IGSF21: variants seen among roughly 807,000 people sequenced by gnomAD.
IGSF21 encodes immunoglobulin superfamily member 21.
Under a neutral mutation model 46.8 loss-of-function variants are expected in IGSF21, and 28 were observed. The ratio of observed to expected loss-of-function variants is 0.60; its 90% CI spans 0.44 to 0.82. IGSF21 has a LOEUF of 0.82. IGSF21 is among the 40% of genes least tolerant of loss of function. IGSF21 has a pLI of 0.00. For synonymous variants in IGSF21, 284 were observed against 273.6 expected (o/e 1.04, Z -0.38); for missense variants, 624 against 665.5 (o/e 0.94, Z 0.69).
chr1:18,143,880 A>G (rs571174743), intron 1 of IGSF21, among the ~76,000 whole-genome samples: 51 of 152,082 alleles, frequency 3.4e-4, no homozygotes, highest in Non-Finnish European at 5.4e-4. Context: ...TCTCTCCCCA[A>G]GGCAGGAGCT....
intron 3 of IGSF21, among the ~76,000 whole-genome samples, chr1:18,312,936 G>T (rs2085502872): frequency 6.6e-6 from 1 of 152,202 alleles, no homozygotes; most frequent in South Asian, 2.1e-4. Context: ...AACACGGACT[G>T]CCTTCTTCTT....
At chr1:18,154,900 A>C (rs936949122) in intron 1 of IGSF21, among the ~76,000 whole-genome samples, 3 of 151,430 alleles carry the variant, frequency 2.0e-5, no homozygotes, top group African/African-American at 7.3e-5. Flanking sequence ...ATCTGGAAAA[A>C]TCCTGGAGGA....
intron 1 of IGSF21, among the ~76,000 whole-genome samples, chr1:18,190,853 G>A (rs1004669326): frequency 1.3e-5 from 2 of 152,202 alleles, no homozygotes; most frequent in Non-Finnish European, 2.9e-5. Context: ...GGTGATCTTG[G>A]CCTGTGATTG....
chr1:18,216,034 G>A (rs2084442041), intron 1 of IGSF21, among the ~76,000 whole-genome samples: 1 of 152,276 alleles, frequency 6.6e-6, no homozygotes, highest in South Asian at 2.1e-4. Flanking sequence ...ACAGACACAC[G>A]AAGAACCACA....
intron 3 of IGSF21, among the ~76,000 whole-genome samples, chr1:18,301,441 G>A (rs1292882529): frequency 2.6e-5 from 4 of 152,222 alleles, no homozygotes; most frequent in Non-Finnish European, 5.9e-5. Context: ...CCAGGTTTAA[G>A]AGATTCTCCT....
chr1:18,117,273 G>A (rs2086196666), intron 1 of IGSF21, among the ~76,000 whole-genome samples: 1 of 152,186 alleles, frequency 6.6e-6, no homozygotes, highest in South Asian at 2.1e-4. Context: ...GGGAAAGCCA[G>A]GCCCTTGCCC....
chr1:18,168,238 A>G lies in IGSF21; in HGVS notation c.71-59660A>G, dbSNP rs535426689. On this transcript the variant is annotated intron_variant, in intron 1 of 9. Transcript: ENST00000251296. ...GCATCTGGCCGTTAACTTATATATA[A>G]TAACCCTTAAACGCTGCCATTAAGT... 5.8e-4 allele frequency among the ~76,000 whole-genome samples: 88 copies of G among 152,220 alleles called. 6 individuals carry two copies. The South Asian group carries it at 0.017, about 29-fold the overall frequency.
chr1:18,374,630 C>T (rs1247303286), intron 6 of IGSF21, among the ~76,000 whole-genome samples: 1 of 152,178 alleles, frequency 6.6e-6, no homozygotes, highest in African/African-American at 2.4e-5. Context: ...GGATGCTTCC[C>T]TAGACCCATG....
chr1:18,250,086 ACTCCCTCCCTCG>A (rs1201919791), intron 2 of IGSF21, among the ~76,000 whole-genome samples: 6 of 39,634 alleles, frequency 1.5e-4, no homozygotes, highest in East Asian at 2.4e-3. Context: ...TCCATCCCCC[ACTCCCTCCCTCG>A]CTCCCTCCCT....
chr1:18,278,834 G>T (rs1244301066), intron 2 of IGSF21: 1 of 471,108 alleles, frequency 2.1e-6, no homozygotes, highest in Non-Finnish European at 4.4e-6. Context: ...GGGATTACAG[G>T]CACGAGCCAC....
At chr1:18,339,792 GT>G (rs1360568844) in intron 4 of IGSF21, among the ~76,000 whole-genome samples, 1 of 152,190 alleles carries the variant, frequency 6.6e-6, no homozygotes, top group Non-Finnish European at 1.5e-5. Flanking sequence ...GGGTGGGGCT[GT>G]TTGCCTTTCG....
intron 2 of IGSF21, among the ~76,000 whole-genome samples, chr1:18,249,337 C>T (rs535300975): frequency 4.6e-5 from 7 of 152,120 alleles, no homozygotes; most frequent in South Asian, 4.2e-4. Context: ...GATGGCAGCC[C>T]GAGTTAGGGG....
At chr1:18,134,958 G>T (rs907447511) in intron 1 of IGSF21, among the ~76,000 whole-genome samples, 1 of 152,236 alleles carries the variant, frequency 6.6e-6, no homozygotes, top group African/African-American at 2.4e-5. Context: ...CTGCTACTGA[G>T]CATATGCTCA....
At chr1:18,167,616 G>T (rs917313377) in intron 1 of IGSF21, 16 of 152,154 alleles carry the variant, frequency 1.1e-4, no homozygotes, top group Admixed American at 8.5e-4. Flanking sequence ...GGCTGAGAAG[G>T]CGTGGGGTTT....
chr1:18,212,517 A>T (rs1349502666), intron 1 of IGSF21, among the ~76,000 whole-genome samples: 3 of 152,236 alleles, frequency 2.0e-5, no homozygotes. Flanking sequence ...GATGAGATAG[A>T]TGACTGAGGC....
At chr1:18,274,000 T>C (rs2085076638) in intron 2 of IGSF21, among the ~76,000 whole-genome samples, 2 of 152,182 alleles carry the variant, frequency 1.3e-5, no homozygotes, top group African/African-American at 4.8e-5. Context: ...TCGGCCTCTC[T>C]GGTAAAGACA....
At chr1:18,209,639 TTTA>T (rs2084369438) in intron 1 of IGSF21, among the ~76,000 whole-genome samples, 2 of 150,696 alleles carry the variant, frequency 1.3e-5, no homozygotes, top group African/African-American at 2.4e-5. Flanking sequence ...TTTTTTTTTT[TTTA>T]GTAGAGACAG....
At chr1:18,289,782 A>T (rs1035939569) in intron 2 of IGSF21, among the ~76,000 whole-genome samples, 1 of 152,148 alleles carries the variant, frequency 6.6e-6, no homozygotes, top group Non-Finnish European at 1.5e-5. Context: ...GACAACCAAA[A>T]ATGTCTCCTG....
In IGSF21 at chr1:18,224,844, C is replaced by A. The variant is rs574845798; in HGVS notation, c.71-3054C>A. On this transcript the variant is annotated intron_variant, in intron 1 of 9. Transcript: ENST00000251296. ...CTTTGGGAGGCCCAGGCGGGTGGAT[C>A]ACTTGAGGTCAGGAGTTTGAGATCA... Among the ~76,000 whole-genome samples the A allele has an allele frequency of 3.1e-3, 466 of 152,058 alleles. 2 individuals carry two copies. Among genetic ancestry groups the A allele is most frequent in the Non-Finnish European group, 4.6e-3 (316 of 67,978 alleles).
Sources: gnomAD v4.1 joint callset for allele counts (sites outside exome capture counted in the v4.1 genomes callset) on GRCh38, gnomAD v4.1.1 for gene constraint, MANE v1.5 for transcripts, NCBI Gene and HGNC (gene_info 2026-07-23, HGNC 2026-07-21) for gene names.